Variants in CAMTA1 observed in about 807,000 individuals in gnomAD.
The protein encoded by CAMTA1 is calmodulin binding transcription activator 1, also known as calmodulin-binding transcription activator 1.
In CAMTA1, 27 loss-of-function variants were observed where a neutral mutation model predicts 170.9. That is an observed-to-expected ratio of 0.16 (90% CI 0.12 to 0.22). The LOEUF is 0.22. Ranked by LOEUF, CAMTA1 falls within the 10% of genes least tolerant of loss-of-function variation. The pLI is 1.00. For missense variants in CAMTA1, 1,619 were observed against 2,217.2 expected (o/e 0.73, Z 5.42); for synonymous variants, 833 against 891.5 (o/e 0.93, Z 1.17).
At chr1:7,226,987 C>T (rs1351927628) in intron 4 of CAMTA1, among the ~76,000 whole-genome samples, 1 of 152,132 alleles carries the variant, frequency 6.6e-6, no homozygotes, top group Non-Finnish European at 1.5e-5. Context: ...CACCCACCAC[C>T]ACGCCTGGCT....
chr1:7,598,528 T>C (rs1307943530), intron 6 of CAMTA1, among the ~76,000 whole-genome samples: 1 of 152,218 alleles, frequency 6.6e-6, no homozygotes, highest in African/African-American at 2.4e-5. Context: ...TCTACAATGG[T>C]TGAACTAGTT....
intron 3 of CAMTA1, among the ~76,000 whole-genome samples, chr1:6,846,478 T>C (rs1222456956): frequency 1.3e-5 from 2 of 152,230 alleles, no homozygotes; most frequent in Non-Finnish European, 2.9e-5. Context: ...AGTTGTACCA[T>C]AGTAAGGAAA....
intron 1 of CAMTA1, among the ~76,000 whole-genome samples, chr1:6,812,660 A>G (rs1645319001): frequency 6.6e-6 from 1 of 152,192 alleles, no homozygotes; most frequent in South Asian, 2.1e-4. Flanking sequence ...TTCCAAGCCA[A>G]ATTAAATTTA....
intron 11 of CAMTA1, among the ~76,000 whole-genome samples, chr1:7,690,432 G>A (rs1478944975): frequency 2.6e-5 from 4 of 152,184 alleles, no homozygotes; most frequent in Admixed American, 1.3e-4. Context: ...ACCAAATCCT[G>A]AGATGTGCTG....
At chr1:6,886,268 A>AT (rs1367511959) in intron 3 of CAMTA1, 1 of 456,084 alleles carries the variant, frequency 2.2e-6, no homozygotes, top group Non-Finnish European at 4.4e-6. Context: ...CAGAAAGCAA[A>AT]TGTGCAAAGA....
chr1:6,790,615 A>G (rs1640828178), intron 1 of CAMTA1, among the ~76,000 whole-genome samples: 1 of 152,136 alleles, frequency 6.6e-6, no homozygotes, highest in Non-Finnish European at 1.5e-5. Flanking sequence ...GGTATGGTTC[A>G]TAGTAGATAG....
chr1:7,641,506 G>A lies in CAMTA1; in HGVS notation c.664+953G>A, dbSNP rs938732293. ...GGCTGGGAGGAAAGGTGAAGGTCCT[G>A]TGCCTGGGAGGGCCCAGGCTGAGGC... On this transcript the variant is annotated intron_variant, in intron 7 of 22. Coordinates refer to ENST00000303635, the MANE Select transcript of CAMTA1 (RefSeq NM_015215.4). This position sits in a 1 kb window ranked among gnomAD's most constrained non-coding sequence, Gnocchi z 4.5. 2.6e-5 allele frequency among the ~76,000 whole-genome samples: 4 copies of A among 152,210 alleles called. No individual in the cohort carries two copies. The highest frequency in any genetic ancestry group is 7.2e-5 in the African/African-American group (3 of 41,454).
In CAMTA1 at chr1:6,918,635, C is replaced by T. The variant is rs1344598136; in HGVS notation, c.234+93425C>T. On this transcript the variant is annotated intron_variant, in intron 3 of 22. Coordinates refer to ENST00000303635, the MANE Select transcript of CAMTA1 (RefSeq NM_015215.4). This position sits in a 1 kb window ranked among gnomAD's most constrained non-coding sequence, Gnocchi z 4.0. Reference sequence around the variant, plus strand: ...GCACCTCCCGAGGAACTCAGAACTTCCCCCGTGGGCCTCAGGCCCAGGATC... The same window carrying T: ...GCACCTCCCGAGGAACTCAGAACTTTCCCCGTGGGCCTCAGGCCCAGGATC... Among the ~76,000 whole-genome samples, 4 of 152,248 alleles carry T rather than the reference C, an allele frequency of 2.6e-5. No homozygotes were observed. The highest frequency in any genetic ancestry group is 9.6e-5 in the African/African-American group (4 of 41,468).
At chr1:7,624,015 G>A (rs1395639726) in intron 6 of CAMTA1, among the ~76,000 whole-genome samples, 3 of 152,198 alleles carry the variant, frequency 2.0e-5, no homozygotes, top group African/African-American at 4.8e-5. Context: ...GTTTTTGAAC[G>A]GTGCTGTTCT....
intron 3 of CAMTA1, among the ~76,000 whole-genome samples, chr1:6,879,175 C>CTGGAAGTATTTTATCT (rs1553173123): frequency 2.0e-5 from 3 of 152,114 alleles, no homozygotes; most frequent in African/African-American, 7.2e-5. Flanking sequence ...AATGTAGAGC[C>CTGGAAGTATTTTATCT]TGGAAGTATT....
chr1:7,288,249 C>T (rs1281931029), intron 5 of CAMTA1, among the ~76,000 whole-genome samples: 1 of 152,216 alleles, frequency 6.6e-6, no homozygotes, highest in East Asian at 1.9e-4. Flanking sequence ...ATACACGGCA[C>T]AGTTCATTCC....
At chr1:7,119,833 T>A (rs941501336) in intron 4 of CAMTA1, among the ~76,000 whole-genome samples, 1 of 152,198 alleles carries the variant, frequency 6.6e-6, no homozygotes, top group Non-Finnish European at 1.5e-5. Context: ...ATGATGTGCG[T>A]GGCCTTTTCT....
chr1:7,337,294 G>T (rs560910544), intron 5 of CAMTA1, among the ~76,000 whole-genome samples: 24 of 152,350 alleles, frequency 1.6e-4, no homozygotes, highest in African/African-American at 5.5e-4. Context: ...CCCTTGCGAG[G>T]TTAGGAGAGG....
chr1:7,714,955 C>T (rs923724706), intron 11 of CAMTA1, among the ~76,000 whole-genome samples: 7 of 152,208 alleles, frequency 4.6e-5, no homozygotes, highest in South Asian at 2.1e-4. Flanking sequence ...TTGTTTGCTA[C>T]GTTCAGCCCC....
rs1256127498 is a variant in CAMTA1, at chr1:7,663,516, T to C, written c.969T>C (p.Arg323=). 1 of 1,602,322 alleles carries C rather than the reference T, an allele frequency of 6.2e-7. No homozygotes were observed. Among genetic ancestry groups the C allele is most frequent in the Non-Finnish European group, 8.5e-7 (1 of 1,170,934 alleles). The part of the protein sequence containing the change: ...HEHSHSKGSS[R]EKRNGKVAKP... ...ACAGCCACAGCAAGGGCTCCAGCCG[T>C]GAGAAGAGGAACGGCAAGGTGGCCA... The change falls in exon 9 of 23, where the codon CGT becomes CGC. Residue 323 remains arginine (R), a synonymous_variant. Transcript: ENST00000303635.
In CAMTA1 at chr1:7,748,395, A is replaced by C. The variant is rs535003308; in HGVS notation, c.4689+614A>C. 1.7e-4 allele frequency among the ~76,000 whole-genome samples: 26 copies of C among 152,286 alleles called. No individual in the cohort carries two copies. The South Asian group carries it at 5.2e-3, about 30-fold the overall frequency. On this transcript the variant is annotated intron_variant, in intron 19 of 22. Transcript: ENST00000303635. This position sits in a 1 kb window ranked among gnomAD's most constrained non-coding sequence, Gnocchi z 4.7. Reference sequence around the variant, plus strand: ...AGCTTGGACCTCGTCTCAAAAAAAAACCAGAGGAAAACAAAATAAAACCAT... The same window carrying C: ...AGCTTGGACCTCGTCTCAAAAAAAACCCAGAGGAAAACAAAATAAAACCAT...
At chr1:7,231,556 G>T (rs1662839474) in intron 4 of CAMTA1, among the ~76,000 whole-genome samples, 1 of 152,006 alleles carries the variant, frequency 6.6e-6, no homozygotes, top group African/African-American at 2.4e-5. Flanking sequence ...TATTTTTGGT[G>T]GAGGCGGGGT....
At position 7,585,160 on chromosome 1, in the gene CAMTA1, G is replaced by A. The variant is rs1313454384; in HGVS notation, c.511-55240G>A. On this transcript the variant is annotated intron_variant, in intron 6 of 22. Coordinates refer to ENST00000303635, the MANE Select transcript of CAMTA1 (RefSeq NM_015215.4). The surrounding 1 kb of genome is among the most constrained non-coding windows in gnomAD (Gnocchi z 4.8). ...CACGTTTTGCCACCAAATGAGTTAT[G>A]AACAAGCTGTGGCTTTTAGAGCTTT... Among the ~76,000 whole-genome samples, 1 of 152,196 alleles carries A rather than the reference G, an allele frequency of 6.6e-6. No individual in the cohort carries two copies. The highest frequency in any genetic ancestry group is 1.5e-5 in the Non-Finnish European group (1 of 68,040).
intron 5 of CAMTA1, among the ~76,000 whole-genome samples, chr1:7,280,185 C>G (rs947576672): frequency 8.5e-5 from 13 of 152,256 alleles, no homozygotes; most frequent in African/African-American, 3.1e-4. Flanking sequence ...CACCTGGGCA[C>G]TGAGGCACCA....
Sources: allele counts gnomAD v4.1 joint callset (sites outside exome capture counted in the v4.1 genomes callset), GRCh38; gene constraint gnomAD v4.1.1; non-coding constraint Gnocchi (gnomAD v3.1); transcripts MANE v1.5; gene names NCBI Gene and HGNC (gene_info 2026-07-23, HGNC 2026-07-21).